The following KCNH7 variants were observed in gnomAD, a reference collection of about 807,000 sequenced individuals.
KCNH7 encodes voltage-gated inwardly rectifying potassium channel KCNH7.
In KCNH7, 49 loss-of-function variants were observed where a neutral mutation model predicts 120.8. The observed-to-expected ratio is 0.41, with a 90% confidence interval of 0.32 to 0.51. The LOEUF (loss-of-function observed/expected upper bound fraction) is 0.51, where lower values mean the gene tolerates loss of function less well. Ranked by LOEUF, KCNH7 falls within the 20% of genes least tolerant of loss-of-function variation. The pLI, the probability that KCNH7 is intolerant of heterozygous loss-of-function variation, is 0.38. For synonymous variants in KCNH7, 547 were observed against 516.1 expected, an observed-to-expected ratio of 1.06 and a Z score of -0.81; for missense variants, 1,097 against 1,446.6, an observed-to-expected ratio of 0.76 and a Z score of 3.92.
intron 2 of KCNH7, among the ~76,000 whole-genome samples, chr2:162,741,715 A>G (rs2105411615): frequency 6.6e-6 from 1 of 152,222 alleles, no homozygotes; most frequent in South Asian, 2.1e-4. Context: ...ATGGTATTTT[A>G]TGTTTATGTA....
intron 2 of KCNH7, among the ~76,000 whole-genome samples, chr2:162,714,175 A>T (rs1248520044): frequency 1.3e-5 from 2 of 152,200 alleles, no homozygotes; most frequent in African/African-American, 4.8e-5. Flanking sequence ...GTTAGGTCAG[A>T]GCCAATAGAC....
chr2:162,408,111 C>T (rs1687282898), intron 9 of KCNH7, among the ~76,000 whole-genome samples: 1 of 152,044 alleles, frequency 6.6e-6, no homozygotes, highest in Non-Finnish European at 1.5e-5. Context: ...AGGGCTCCTT[C>T]AACCATTTTG....
chr2:162,609,988 G>T (rs1171832760), intron 2 of KCNH7, among the ~76,000 whole-genome samples: 1 of 152,162 alleles, frequency 6.6e-6, no homozygotes, highest in Non-Finnish European at 1.5e-5. Flanking sequence ...CTACCTTTAG[G>T]AGAATAGGGA....
At chr2:162,516,012 C>G (rs1215833303) in intron 4 of KCNH7, among the ~76,000 whole-genome samples, 1 of 151,690 alleles carries the variant, frequency 6.6e-6, no homozygotes, top group African/African-American at 2.4e-5. Context: ...GCAGATAACT[C>G]ATTATTTTCT....
At chr2:162,439,508 G>T (rs1329362988) in intron 7 of KCNH7, among the ~76,000 whole-genome samples, 1 of 152,032 alleles carries the variant, frequency 6.6e-6, no homozygotes, top group African/African-American at 2.4e-5. Context: ...CAGCACCCAT[G>T]CTATCTCAGA....
intron 2 of KCNH7, among the ~76,000 whole-genome samples, chr2:162,621,059 C>T (rs1209724822): frequency 6.6e-6 from 1 of 151,970 alleles, no homozygotes. Context: ...TACCTTGTCC[C>T]ATTCTCTCTT....
intron 2 of KCNH7, among the ~76,000 whole-genome samples, chr2:162,570,101 C>T (rs1374250713): frequency 1.4e-5 from 2 of 147,700 alleles, no homozygotes; most frequent in Admixed American, 1.4e-4. Flanking sequence ...CTTTCTGTCT[C>T]GTTGATCTGT....
intron 2 of KCNH7, among the ~76,000 whole-genome samples, chr2:162,681,803 G>T (rs1275152530): frequency 6.8e-6 from 1 of 147,872 alleles, no homozygotes; most frequent in Non-Finnish European, 1.5e-5. Flanking sequence ...AAGACTTGGG[G>T]TCTGTGATTT....
At chr2:162,553,985 G>T (rs1574094847) in intron 2 of KCNH7, among the ~76,000 whole-genome samples, 1 of 152,180 alleles carries the variant, frequency 6.6e-6, no homozygotes, top group East Asian at 1.9e-4. Context: ...AGTTATTTGA[G>T]AAATGTTTCT....
intron 6 of KCNH7, among the ~76,000 whole-genome samples, chr2:162,464,231 T>C (rs1331265308): frequency 1.3e-5 from 2 of 152,036 alleles, no homozygotes; most frequent in African/African-American, 4.8e-5. Context: ...TTTTTGTGCA[T>C]CATTTCACAG....
intron 2 of KCNH7, among the ~76,000 whole-genome samples, chr2:162,791,530 A>G (rs957256898): frequency 2.0e-5 from 3 of 151,716 alleles, no homozygotes; most frequent in Non-Finnish European, 4.4e-5. Context: ...CTAGTATTTT[A>G]TTCTTTTTGT....
chr2:162,512,143 T>C (rs898787572), intron 5 of KCNH7, among the ~76,000 whole-genome samples: 1 of 151,468 alleles, frequency 6.6e-6, no homozygotes, highest in South Asian at 2.1e-4. Flanking sequence ...TAGAGAAAAA[T>C]AGAAAACAAC....
At chr2:162,652,639 G>A (rs1251436540) in intron 2 of KCNH7, among the ~76,000 whole-genome samples, 2 of 152,084 alleles carry the variant, frequency 1.3e-5, no homozygotes, top group African/African-American at 4.8e-5. Context: ...AGTAATGGTC[G>A]CTCATCTACC....
At chr2:162,603,503 T>C (rs1694629695) in intron 2 of KCNH7, among the ~76,000 whole-genome samples, 1 of 152,116 alleles carries the variant, frequency 6.6e-6, no homozygotes, top group African/African-American at 2.4e-5. Context: ...GTTGTGAGAA[T>C]ATTATTCTTG....
intron 2 of KCNH7, among the ~76,000 whole-genome samples, chr2:162,757,486 A>G (rs1402536662): frequency 1.3e-5 from 2 of 152,120 alleles, no homozygotes; most frequent in African/African-American, 4.8e-5. Flanking sequence ...TGAGAAATAC[A>G]AAACAAAACA....
intron 6 of KCNH7, among the ~76,000 whole-genome samples, chr2:162,469,348 G>A (rs1053008110): frequency 6.6e-6 from 1 of 152,184 alleles, no homozygotes; most frequent in Admixed American, 6.5e-5. Flanking sequence ...TGTACCAGAA[G>A]TACCGCCAGA....
At chr2:162,664,911 T>C (rs763209865) in intron 2 of KCNH7, among the ~76,000 whole-genome samples, 8 of 152,178 alleles carry the variant, frequency 5.3e-5, no homozygotes, top group African/African-American at 1.2e-4. Context: ...ATCACTATTA[T>C]AGGGCTAAAA....
chr2:162,442,951 C>A (rs1481284083), intron 7 of KCNH7, among the ~76,000 whole-genome samples: 1 of 152,148 alleles, frequency 6.6e-6, no homozygotes, highest in Non-Finnish European at 1.5e-5. Context: ...TATTTATGTA[C>A]TTATGCATTT....
chr2:162,657,443 A>G (rs1355808166), intron 2 of KCNH7, among the ~76,000 whole-genome samples: 1 of 152,178 alleles, frequency 6.6e-6, no homozygotes, highest in Non-Finnish European at 1.5e-5. Flanking sequence ...GTTTTCACTT[A>G]GTAATATGCA....
Sources: allele counts gnomAD v4.1 joint callset (sites outside exome capture counted in the v4.1 genomes callset), GRCh38; gene constraint gnomAD v4.1.1; transcripts MANE v1.5; gene names NCBI Gene and HGNC (gene_info 2026-07-23, HGNC 2026-07-21).